CDC73: variants seen among roughly 807,000 people sequenced by gnomAD.
CDC73 encodes cell division cycle 73, also known as parafibromin.
A neutral mutation model predicts 83.7 loss-of-function variants in CDC73; 21 were observed. That is an observed-to-expected ratio of 0.25 (90% confidence interval 0.18 to 0.36). The LOEUF is 0.36. Among genes scored for constraint, CDC73 ranks in the 10% least tolerant of loss-of-function variants. The pLI is 1.00. For missense variants in CDC73, 342 were observed against 653.3 expected (o/e 0.52, Z 5.19); for synonymous variants, 224 against 212.9 (o/e 1.05, Z -0.45).
At chr1:193,221,681 A>C (rs923047527) in intron 13 of CDC73, among the ~76,000 whole-genome samples, 1 of 152,244 alleles carries the variant, frequency 6.6e-6, no homozygotes, top group Non-Finnish European at 1.5e-5. Context: ...AAGAAATCAC[A>C]AAGTAAATTT....
At chr1:193,142,136 A>G in intron 7 of CDC73, 70 bp downstream of exon 7, 1 of 1,304,188 alleles carries the variant, frequency 7.7e-7, no homozygotes, top group African/African-American at 1.5e-5. Context: ...ATCTGTGGTT[A>G]TAGAATTGGT....
chr1:193,148,258 T>C (rs1316262725), intron 8 of CDC73, among the ~76,000 whole-genome samples: 1 of 152,226 alleles, frequency 6.6e-6, no homozygotes, highest in Non-Finnish European at 1.5e-5. Context: ...CTACTCATTG[T>C]TGCTTGGGAC....
chr1:193,147,123 G>T (rs1215489467), intron 7 of CDC73, among the ~76,000 whole-genome samples: 1 of 151,684 alleles, frequency 6.6e-6, no homozygotes, highest in Non-Finnish European at 1.5e-5. Flanking sequence ...CTCCCAAGTA[G>T]CTGACACTAT....
At chr1:193,247,300 A>C (rs1677970237) in intron 15 of CDC73, among the ~76,000 whole-genome samples, 1 of 152,010 alleles carries the variant, frequency 6.6e-6, no homozygotes, top group South Asian at 2.1e-4. Flanking sequence ...TGTTTTGGGC[A>C]CCACAAACCA....
At chr1:193,130,360 C>T in intron 3 of CDC73, 117 bp downstream of exon 3, 3 of 740,000 alleles carry the variant, frequency 4.1e-6, no homozygotes, top group Non-Finnish European at 7.2e-6. Context: ...AACCTACCTT[C>T]ATTTTTGTCC....
chr1:193,212,715 G>A (rs1274056586), intron 13 of CDC73, among the ~76,000 whole-genome samples: 1 of 152,070 alleles, frequency 6.6e-6, no homozygotes, highest in Non-Finnish European at 1.5e-5. Flanking sequence ...AGGTACTATC[G>A]TATTAACTTT....
intron 11 of CDC73, among the ~76,000 whole-genome samples, chr1:193,207,254 C>T (rs1274364926): frequency 6.6e-6 from 1 of 152,088 alleles, no homozygotes; most frequent in Non-Finnish European, 1.5e-5. Context: ...TCACAAAGAT[C>T]ACATGCTTCA....
intron 10 of CDC73, among the ~76,000 whole-genome samples, chr1:193,201,861 G>A (rs946623075): frequency 6.6e-6 from 1 of 151,642 alleles, no homozygotes; most frequent in African/African-American, 2.4e-5. Context: ...GATCACTTTC[G>A]GTTTGTGTAG....
At chr1:193,150,654 C>T (rs1320335165) in intron 9 of CDC73, among the ~76,000 whole-genome samples, 1 of 152,118 alleles carries the variant, frequency 6.6e-6, no homozygotes, top group African/African-American at 2.4e-5. Context: ...TATTATCTGG[C>T]CCTTTACAGA....
intron 16 of CDC73, among the ~76,000 whole-genome samples, chr1:193,250,265 A>G (rs907911640): frequency 1.3e-5 from 2 of 151,876 alleles, no homozygotes; most frequent in Non-Finnish European, 3.0e-5. Context: ...ACAAAAGGAA[A>G]TGGTTTTTTA....
At chr1:193,158,074 A>G (rs1352158753) in intron 10 of CDC73, among the ~76,000 whole-genome samples, 1 of 151,212 alleles carries the variant, frequency 6.6e-6, no homozygotes, top group Non-Finnish European at 1.5e-5. Flanking sequence ...GCTTTATTGT[A>G]CTTATAATTT....
At chr1:193,148,840 T>C (rs1002668600) in intron 8 of CDC73, among the ~76,000 whole-genome samples, 1 of 151,776 alleles carries the variant, frequency 6.6e-6, no homozygotes, top group Non-Finnish European at 1.5e-5. Flanking sequence ...AGATGGGGTT[T>C]CGTCCTGTTC....
intron 13 of CDC73, among the ~76,000 whole-genome samples, chr1:193,225,039 CAGTTTCCCCCTGCATCCCCAA>C (rs1019885557): frequency 4.6e-5 from 7 of 151,820 alleles, no homozygotes; most frequent in Non-Finnish European, 8.8e-5. Flanking sequence ...CCCCCTCCCA[CAGTTTCCCCCTGCATCCCCAA>C]AGTCAATTTC....
intron 10 of CDC73, among the ~76,000 whole-genome samples, chr1:193,175,160 A>G (rs1676580285): frequency 6.6e-6 from 1 of 152,182 alleles, no homozygotes; most frequent in African/African-American, 2.4e-5. Context: ...GTACCTTGAG[A>G]AGCCATTGAA....
intron 12 of CDC73, 144 bp from the exon 13 acceptor site, chr1:193,212,246 T>TAAA: frequency 1.2e-6 from 1 of 836,936 alleles, no homozygotes; most frequent in Non-Finnish European, 1.9e-6. Flanking sequence ...CACTGATTAT[T>TAAA]AAATATTTTT....
rs2103164890 is a variant in CDC73, at chr1:193,187,212, T to G, written c.973-16583T>G. ...TTTTGCTCTTATGTGGTTTTTGGTG[T>G]TCTTGATGGCAGAAAACTTTATTTT... is the stretch of plus-strand genomic sequence containing the variant. On this transcript the variant is annotated intron_variant, in intron 10 of 16. Coordinates refer to ENST00000367435, the MANE Select transcript of CDC73 (RefSeq NM_024529.5). Among the ~76,000 whole-genome samples, 3 of 151,726 alleles carry G rather than the reference T, an allele frequency of 2.0e-5. 1 individual carries two copies. The East Asian group carries it at 5.8e-4, about 29-fold the overall frequency.
intron 13 of CDC73, among the ~76,000 whole-genome samples, chr1:193,221,399 GT>G (rs148252830): frequency 2.0e-5 from 3 of 150,250 alleles, no homozygotes; most frequent in Admixed American, 6.6e-5. Context: ...TTTGTTTTTT[GT>G]TTTTTTTGGC....
At chr1:193,238,489 T>G (rs1449569825) in intron 15 of CDC73, among the ~76,000 whole-genome samples, 1 of 152,214 alleles carries the variant, frequency 6.6e-6, no homozygotes, top group African/African-American at 2.4e-5. Context: ...GTTGACTCCT[T>G]TACTCCTTTT....
intron 10 of CDC73, among the ~76,000 whole-genome samples, chr1:193,164,858 G>A (rs893128464): frequency 6.6e-6 from 1 of 152,188 alleles, no homozygotes; most frequent in Non-Finnish European, 1.5e-5. Flanking sequence ...GTTAAAAAGT[G>A]TTGGTGAGGG....
Sources: allele counts gnomAD v4.1 joint callset (sites outside exome capture counted in the v4.1 genomes callset), GRCh38; gene constraint gnomAD v4.1.1; transcripts MANE v1.5; gene names NCBI Gene and HGNC (gene_info 2026-07-23, HGNC 2026-07-21).